HSDL2: variants seen among roughly 807,000 people sequenced by gnomAD.
The protein encoded by HSDL2 is hydroxysteroid dehydrogenase like 2.
HSDL2 carries 27 observed loss-of-function variants against 46.3 expected under a neutral mutation model. That is an observed-to-expected ratio of 0.58 (90% confidence interval 0.43 to 0.80). The LOEUF is 0.80. Among genes scored for constraint, HSDL2 ranks in the 30% least tolerant of loss-of-function variants. The pLI, the probability that HSDL2 is intolerant of heterozygous loss-of-function variation, is 0.00. For synonymous variants in HSDL2, 153 were observed against 163.6 expected (o/e 0.94, Z 0.50); for missense variants, 451 against 502.7 (o/e 0.90, Z 0.98).
At chr9:112,406,231 T>A (rs1395254472) in intron 3 of HSDL2, among the ~76,000 whole-genome samples, 1 of 151,186 alleles carries the variant, frequency 6.6e-6, no homozygotes, top group Non-Finnish European at 1.5e-5. Context: ...AAAGAAGGGA[T>A]GCAAGGGGGG....
intron 6 of HSDL2, among the ~76,000 whole-genome samples, chr9:112,423,767 G>A (rs1304277752): frequency 6.6e-6 from 1 of 151,990 alleles, no homozygotes; most frequent in South Asian, 2.1e-4. Flanking sequence ...CCAGGCTGGA[G>A]TGCAGTGGCA....
intron 1 of HSDL2, among the ~76,000 whole-genome samples, chr9:112,400,708 G>T (rs1831570519): frequency 6.6e-6 from 1 of 152,244 alleles, no homozygotes; most frequent in Admixed American, 6.5e-5. Context: ...TGTCAGCAGG[G>T]CTGTGCTGTT....
intron 1 of HSDL2, among the ~76,000 whole-genome samples, chr9:112,393,389 A>C (rs1425644168): frequency 6.6e-6 from 1 of 152,244 alleles, no homozygotes; most frequent in Non-Finnish European, 1.5e-5. Context: ...TATTCCAGTC[A>C]CACTGCACTT....
chr9:112,405,133 C>G lies in HSDL2; in HGVS notation c.182-491C>G, dbSNP rs1831695337. ...TTGGGAGGCCAAGGCGGGTGGATCA[C>G]TTGAGGTCAGGAGTGCGAGACCAGC... On this transcript the variant is annotated intron_variant, in intron 2 of 10. Transcript: ENST00000398805. Among the ~76,000 whole-genome samples the G allele has an allele frequency of 3.3e-5, 5 of 152,198 alleles. 1 individual carries two copies. In the South Asian group the frequency reaches 8.3e-4, roughly 25 times the overall value.
chr9:112,393,255 A>T (rs118025332), intron 1 of HSDL2, among the ~76,000 whole-genome samples: 2,006 of 152,264 alleles, frequency 0.013, 75 homozygotes, highest in East Asian at 0.1. Flanking sequence ...TTCAAAAATT[A>T]TTGTCTTTAA....
intron 1 of HSDL2, among the ~76,000 whole-genome samples, chr9:112,397,370 T>C (rs1470640272): frequency 1.3e-5 from 2 of 152,196 alleles, no homozygotes; most frequent in East Asian, 3.8e-4. Context: ...TTCACATTCT[T>C]AAAAGCTAAC....
chr9:112,392,769 A>T (rs1564103357), intron 1 of HSDL2, among the ~76,000 whole-genome samples: 1 of 152,186 alleles, frequency 6.6e-6, no homozygotes, highest in East Asian at 1.9e-4. Flanking sequence ...TTTTACAATC[A>T]ATTTGTACAG....
chr9:112,384,733 C>A lies in HSDL2; in HGVS notation c.17+4553C>A, dbSNP rs762360256. Among the ~76,000 whole-genome samples, 14 of 149,992 alleles carry A rather than the reference C, an allele frequency of 9.3e-5. No individual in the cohort carries two copies. In the South Asian group the frequency reaches 1.7e-3, roughly 18 times the overall value. ...GTGGATTCACATCCAAAAAGCTGAG[C>A]CTTGAACAAAAACAGAGTTTAGCTT... On this transcript the variant is annotated intron_variant, in intron 1 of 10. Transcript: ENST00000398805.
intron 1 of HSDL2, among the ~76,000 whole-genome samples, chr9:112,382,159 G>A (rs1831113455): frequency 6.6e-6 from 1 of 152,244 alleles, no homozygotes; most frequent in African/African-American, 2.4e-5. Context: ...TACTCAGGAG[G>A]CTGAGGCAGG....
At chr9:112,407,676 C>G (rs1564111024) in intron 3 of HSDL2, among the ~76,000 whole-genome samples, 1 of 152,194 alleles carries the variant, frequency 6.6e-6, no homozygotes. Context: ...CTCAACTTCT[C>G]AAAGTGCTGG....
intron 8 of HSDL2, among the ~76,000 whole-genome samples, chr9:112,452,362 G>C (rs1193891361): frequency 2.0e-5 from 3 of 152,148 alleles, no homozygotes; most frequent in Non-Finnish European, 4.4e-5. Flanking sequence ...GCACAGATTG[G>C]CCTTGGAGTT....
Position 112,471,776 on chromosome 9 carries a change from A to G in HSDL2, c.*1232A>G, listed in dbSNP as rs1587978065. The stretch of plus-strand genomic sequence containing the variant: ...GCTGGGAGGGTTGAGGGGAAGATAA[A>G]CTTTTAAAAAGCTCTTATCTTTCAT... On this transcript the variant is annotated 3_prime_UTR_variant, in exon 11 of 11. Transcript: ENST00000398805. The G allele has an allele frequency of 6.6e-6, 1 of 152,138 alleles. No homozygotes were observed. The highest frequency in any genetic ancestry group is 1.5e-5 in the Non-Finnish European group (1 of 68,030). 9.4% of individuals were successfully genotyped at this position (152,138 alleles called of 1,614,324 possible).
At chr9:112,432,295 G>A (rs1217197806) in intron 6 of HSDL2, among the ~76,000 whole-genome samples, 1 of 152,182 alleles carries the variant, frequency 6.6e-6, no homozygotes, top group Admixed American at 6.5e-5. Flanking sequence ...TTAGTAGTCT[G>A]TACATCCCCT....
chr9:112,464,621 G>A (rs1307827599), intron 10 of HSDL2, among the ~76,000 whole-genome samples: 1 of 152,100 alleles, frequency 6.6e-6, no homozygotes, highest in Non-Finnish European at 1.5e-5. Context: ...TTGTAGCTGG[G>A]ATTTTTTGTA....
chr9:112,459,453 A>G lies in HSDL2; in HGVS notation c.1020A>G (p.Glu340=), dbSNP rs1472312895. The change falls in exon 10 of 11, where the codon GAA becomes GAG. Residue 340 remains glutamate (E), a synonymous_variant. Coordinates refer to ENST00000398805, the MANE Select transcript of HSDL2 (RefSeq NM_032303.5). ...QAIYLFELSG[E]DGGTWFLDLK... is the part of the protein sequence containing the mutation. Reference sequence around the variant, plus strand: ...TCTATATGTTTATCTCTCTAGGTGAAGATGGTGGCACGTGGTTTCTTGATC... The same window carrying G: ...TCTATATGTTTATCTCTCTAGGTGAGGATGGTGGCACGTGGTTTCTTGATC... 1 of 1,613,784 alleles carries G rather than the reference A, an allele frequency of 6.2e-7. No individual in the cohort carries two copies. The highest frequency in any genetic ancestry group is 8.5e-7 in the Non-Finnish European group (1 of 1,179,816).
intron 8 of HSDL2, among the ~76,000 whole-genome samples, chr9:112,447,694 T>C (rs1010435270): frequency 1.3e-5 from 2 of 152,188 alleles, no homozygotes; most frequent in Non-Finnish European, 2.9e-5. Context: ...GTTGGCTATA[T>C]AAAAAATCAA....
Position 112,470,498 on chromosome 9 carries a change from C to T in HSDL2, c.1211C>T (p.Ala404Val), listed in dbSNP as rs1213104768. Residue 404 changes from alanine to valine, a missense_variant, in exon 11 of 11, where the codon GCA (alanine) becomes GTA (valine). Transcript: ENST00000398805. ...KLKIKGNMAL[A>V]IKLEKLMNQM... is the part of the protein sequence containing the mutation. ...AAGATTAAAGGTAACATGGCCCTAG[C>T]AATCAAATTGGAGAAGCTAATGAAT... The T allele has an allele frequency of 4.3e-6, 7 of 1,610,998 alleles. No homozygotes were observed. The highest frequency in any genetic ancestry group is 5.9e-6 in the Non-Finnish European group (7 of 1,178,048).
chr9:112,442,116 A>T (rs964501511), intron 8 of HSDL2, among the ~76,000 whole-genome samples: 2 of 151,774 alleles, frequency 1.3e-5, no homozygotes, highest in Non-Finnish European at 2.9e-5. Context: ...ATACAAAAAA[A>T]AAATACGTTG....
intron 7 of HSDL2, among the ~76,000 whole-genome samples, chr9:112,439,565 A>G (rs888278415): frequency 6.6e-6 from 1 of 152,186 alleles, no homozygotes; most frequent in African/African-American, 2.4e-5. Context: ...CATACATAGG[A>G]GTTATATTTA....
Sources: allele counts gnomAD v4.1 joint callset (sites outside exome capture counted in the v4.1 genomes callset), GRCh38; gene constraint gnomAD v4.1.1; transcripts MANE v1.5; gene names NCBI Gene and HGNC (gene_info 2026-07-23, HGNC 2026-07-21).